Variants in HS6ST1 observed in about 807,000 individuals in gnomAD.
HS6ST1 encodes the protein heparan-sulfate 6-O-sulfotransferase 1.
Under a neutral mutation model 25.2 loss-of-function variants are expected in HS6ST1, and 3 were observed. That is an observed-to-expected ratio of 0.12 (90% CI 0.05 to 0.31). The LOEUF (loss-of-function observed/expected upper bound fraction) is 0.31. Among genes scored for constraint, HS6ST1 ranks in the 10% least tolerant of loss-of-function variants. The pLI, the probability that HS6ST1 is intolerant of heterozygous loss-of-function variation, is 1.00. For synonymous variants in HS6ST1, 204 were observed against 275.1 expected, an observed-to-expected ratio of 0.74 and a Z score of 2.56; for missense variants, 310 against 609.6, an observed-to-expected ratio of 0.51 and a Z score of 5.18.
intron 1 of HS6ST1, among the ~76,000 whole-genome samples, chr2:128,308,172 G>T (rs914136747): frequency 1.3e-5 from 2 of 152,214 alleles, no homozygotes; most frequent in Non-Finnish European, 2.9e-5. Context: ...TGAAACGCAG[G>T]ACAGTGGTGC....
intron 1 of HS6ST1, among the ~76,000 whole-genome samples, chr2:128,291,903 C>T (rs186910083): frequency 5.9e-5 from 9 of 152,366 alleles, no homozygotes; most frequent in Admixed American, 2.0e-4. Flanking sequence ...CCATTCCTTC[C>T]GTCCAACACC....
At chr2:128,279,972 G>A (rs1693755785) in intron 1 of HS6ST1, among the ~76,000 whole-genome samples, 1 of 152,208 alleles carries the variant, frequency 6.6e-6, no homozygotes, top group Non-Finnish European at 1.5e-5. Context: ...AGGGTACCAG[G>A]ATGGCTCTCT....
intron 1 of HS6ST1, among the ~76,000 whole-genome samples, chr2:128,309,091 G>A (rs1272306468): frequency 1.3e-5 from 2 of 152,234 alleles, no homozygotes; most frequent in Non-Finnish European, 2.9e-5. Flanking sequence ...CTGACTGCAA[G>A]CCTGGGGCCT....
At chr2:128,307,611 G>A (rs991610308) in intron 1 of HS6ST1, among the ~76,000 whole-genome samples, 1 of 152,210 alleles carries the variant, frequency 6.6e-6, no homozygotes. Flanking sequence ...GGGGAAAACA[G>A]GCCAAAGACG....
At chr2:128,277,112 G>A (rs1316440595) in intron 1 of HS6ST1, among the ~76,000 whole-genome samples, 2 of 152,182 alleles carry the variant, frequency 1.3e-5, no homozygotes, top group East Asian at 1.9e-4. Context: ...CACCGTCCAG[G>A]AGTAGGAGTG....
intron 1 of HS6ST1, among the ~76,000 whole-genome samples, chr2:128,312,534 T>G (rs911407641): frequency 6.6e-6 from 1 of 152,116 alleles, no homozygotes; most frequent in African/African-American, 2.4e-5. Context: ...GGGATGGTGA[T>G]GGGCACCCAG....
intron 1 of HS6ST1, among the ~76,000 whole-genome samples, chr2:128,284,079 C>T (rs1693825678): frequency 6.6e-6 from 1 of 151,628 alleles, no homozygotes; most frequent in African/African-American, 2.4e-5. Context: ...CACCCCACTT[C>T]CAGGGCCCCA....
intron 1 of HS6ST1, among the ~76,000 whole-genome samples, chr2:128,311,840 G>A (rs1299674912): frequency 1.3e-5 from 2 of 152,152 alleles, no homozygotes; most frequent in East Asian, 1.9e-4. Flanking sequence ...TGGCATCGGT[G>A]GTGCAGGACC....
At chr2:128,311,536 G>A (rs1694289518) in intron 1 of HS6ST1, among the ~76,000 whole-genome samples, 1 of 152,218 alleles carries the variant, frequency 6.6e-6, no homozygotes, top group African/African-American at 2.4e-5. Context: ...CACCAAGTGG[G>A]GATTGAGCCC....
chr2:128,268,527 A>G lies in HS6ST1; in HGVS notation c.871T>C (p.Phe291Leu). ...AKKNLRGMAFFGLTEFQRKTQ... is the reference protein window; with the variant it reads ...AKKNLRGMAFLGLTEFQRKTQ... ...TTGCGCTGGAACTCGGTCAGGCCGA[A>G]GAAGGCCATGCCCCGCAGGTTCTTC... is the stretch of plus-strand genomic sequence containing the variant. The change falls in exon 2 of 2, where the codon TTC becomes CTC. Residue 291 changes from phenylalanine (F) to leucine (L), a missense_variant. Phe to Leu is a conservative substitution (Grantham distance 22). This residue lies in a region of HS6ST1 where 98 missense variants were observed against 270.3 expected (regional missense o/e 0.36). Transcript: ENST00000259241. 1.2e-6 allele frequency: 2 copies of G among 1,604,674 alleles called. No homozygotes were observed. Among genetic ancestry groups the G allele is most frequent in the Non-Finnish European group, 1.7e-6 (2 of 1,175,512 alleles).
In HS6ST1 at chr2:128,317,768, C is replaced by T. The variant is rs116546879; in HGVS notation, c.527+269G>A. Among the ~76,000 whole-genome samples the T allele has an allele frequency of 0.018, 2,692 of 152,340 alleles. 84 individuals carry two copies. Among genetic ancestry groups the T allele is most frequent in the African/African-American group, 0.061 (2,553 of 41,580 alleles). ...GCGGGCGGGGACCCTGGAGAAAACC[C>T]GGGCGCTGCGCAGTCAAGCCGGCAG... On this transcript the variant is annotated intron_variant, in intron 1 of 1. Transcript: ENST00000259241.
intron 1 of HS6ST1, among the ~76,000 whole-genome samples, chr2:128,276,943 TGAA>T (rs912636979): frequency 1.3e-5 from 2 of 152,018 alleles, no homozygotes; most frequent in African/African-American, 4.8e-5. Context: ...TGGGTATCAG[TGAA>T]GGAGGACCAC....
intron 1 of HS6ST1, among the ~76,000 whole-genome samples, chr2:128,309,009 C>A (rs1039223612): frequency 6.6e-6 from 1 of 152,186 alleles, no homozygotes; most frequent in Non-Finnish European, 1.5e-5. Flanking sequence ...TATGAGTATG[C>A]CCATTTTACA....
At chr2:128,294,270 C>T (rs1694003278) in intron 1 of HS6ST1, among the ~76,000 whole-genome samples, 1 of 152,200 alleles carries the variant, frequency 6.6e-6, no homozygotes, top group African/African-American at 2.4e-5. Context: ...AGTGACAATT[C>T]ACTGACTCTA....
chr2:128,279,449 C>T (rs372616185), intron 1 of HS6ST1, among the ~76,000 whole-genome samples: 12 of 150,304 alleles, frequency 8.0e-5, no homozygotes, highest in African/African-American at 2.7e-4. Context: ...CCGGCTTCAG[C>T]GAAACAACAA....
rs1293124276 is a variant in HS6ST1 at position 128,318,270 on chromosome 2, GC to G, written c.293del (p.Gly98AlafsTer95). ...VIVFLHIQKT[G>X]GTTFGRHLVQ... is the part of the protein sequence containing the mutation. The stretch of plus-strand genomic sequence containing the variant: ...CGAGGTGGCGGCCGAAGGTGGTGCC[GC>G]CCGTCTTCTGGATGTGCAGGAAGAC... On this transcript the variant is annotated frameshift_variant, in exon 1 of 2. Coordinates refer to ENST00000259241, the MANE Select transcript of HS6ST1 (RefSeq NM_004807.3). LOFTEE classifies it high-confidence loss of function. The surrounding 1 kb of genome is among the most constrained non-coding windows in gnomAD (Gnocchi z 5.7). The G allele has an allele frequency of 6.3e-7, 1 of 1,583,000 alleles. No individual in the cohort carries two copies. Among genetic ancestry groups the G allele is most frequent in the African/African-American group, 1.4e-5 (1 of 73,428 alleles).
chr2:128,275,319 T>C (rs1215404987), intron 1 of HS6ST1, among the ~76,000 whole-genome samples: 1 of 152,114 alleles, frequency 6.6e-6, no homozygotes, highest in East Asian at 1.9e-4. Flanking sequence ...ACAGACTGTG[T>C]GAGGGTGTAA....
chr2:128,276,246 G>C (rs988583295), intron 1 of HS6ST1, among the ~76,000 whole-genome samples: 2 of 152,166 alleles, frequency 1.3e-5, no homozygotes, highest in Non-Finnish European at 2.9e-5. Context: ...TCCCGCCTCA[G>C]CCTCCCGAGT....
chr2:128,282,613 C>T (rs1259728827), intron 1 of HS6ST1, among the ~76,000 whole-genome samples: 4 of 152,222 alleles, frequency 2.6e-5, no homozygotes, highest in Non-Finnish European at 5.9e-5. Flanking sequence ...CGGGGGCAGG[C>T]CTGTGTGTCC....
Sources: gnomAD v4.1 joint callset for allele counts (sites outside exome capture counted in the v4.1 genomes callset) on GRCh38, gnomAD v4.1.1 for gene constraint, gnomAD v4.1.1 regional missense constraint, Gnocchi (gnomAD v3.1) non-coding constraint, MANE v1.5 for transcripts, NCBI Gene and HGNC (gene_info 2026-07-23, HGNC 2026-07-21) for gene names.